The following GALNT11 variants were observed in gnomAD, a reference collection of about 807,000 sequenced individuals.
The protein encoded by GALNT11 is UDP-GalNAc:polypeptide N-acetylgalactosaminyltransferase 11.
A neutral mutation model predicts 72.7 loss-of-function variants in GALNT11; 47 were observed. The observed-to-expected ratio is 0.65, with a 90% CI of 0.51 to 0.82. The LOEUF (loss-of-function observed/expected upper bound fraction) is 0.82, where lower values mean the gene tolerates loss of function less well. GALNT11 is among the 40% of genes least tolerant of loss of function. The pLI is 0.00. For synonymous variants in GALNT11, 270 were observed against 286.6 expected, an observed-to-expected ratio of 0.94 and a Z score of 0.58; for missense variants, 677 against 778.4, an observed-to-expected ratio of 0.87 and a Z score of 1.55.
At chr7:152,040,108 T>A (rs910489197) in intron 1 of GALNT11, among the ~76,000 whole-genome samples, 2 of 151,990 alleles carry the variant, frequency 1.3e-5, no homozygotes, top group African/African-American at 4.8e-5. Context: ...GAGAAAAATG[T>A]AGCTAGAGCT....
chr7:152,103,139 C>A lies in GALNT11; in HGVS notation c.447C>A (p.Asp149Glu). The change falls in exon 4 of 12, where the codon GAC (aspartate) becomes GAA (glutamate). Residue 149 changes from aspartate (D) to glutamate (E), a missense_variant. Transcript: ENST00000430044. ...GTAAAGAAAAGTTCTACCCACCTGACCTGCCAGCTGCTAGTGTTGTTATCT... is the reference window on the plus strand; with the variant it reads ...GTAAAGAAAAGTTCTACCCACCTGAACTGCCAGCTGCTAGTGTTGTTATCT... ...AACKEKFYPP[D>E]LPAASVVICF... 1 of 1,609,860 alleles carries A rather than the reference C, an allele frequency of 6.2e-7. No individual in the cohort carries two copies. Among genetic ancestry groups the A allele is most frequent in the Non-Finnish European group, 8.5e-7 (1 of 1,177,384 alleles).
chr7:152,043,116 A>C lies in GALNT11; in HGVS notation c.-39+17232A>C, dbSNP rs184046976. ...TTTTCCCCATTTCCACATACGGCACAATTAGGAGCTGTGCTATATGGTCTC... is the reference window on the plus strand; with the variant it reads ...TTTTCCCCATTTCCACATACGGCACCATTAGGAGCTGTGCTATATGGTCTC... On this transcript the variant is annotated intron_variant, in intron 1 of 11. Coordinates refer to ENST00000430044, the MANE Select transcript of GALNT11 (RefSeq NM_022087.4). Among the ~76,000 whole-genome samples the C allele has an allele frequency of 2.5e-4, 38 of 152,314 alleles. No homozygotes were observed. The East Asian group carries it at 6.9e-3, about 28-fold the overall frequency.
chr7:152,114,412 C>A (rs2088615991), intron 8 of GALNT11, among the ~76,000 whole-genome samples: 1 of 152,184 alleles, frequency 6.6e-6, no homozygotes. Flanking sequence ...TTCTGTCTGG[C>A]TTCTTCAGTT....
intron 8 of GALNT11, among the ~76,000 whole-genome samples, chr7:152,113,920 T>A (rs1587469849): frequency 1.6e-5 from 1 of 63,654 alleles, no homozygotes; most frequent in African/African-American, 2.7e-4. Context: ...TTAAAAAGTG[T>A]TTTTTTTTTT....
chr7:152,100,821 C>A lies in GALNT11; in HGVS notation c.319C>A (p.Gln107Lys). Residue 107 changes from glutamine (Q) to lysine (K), a missense_variant, in exon 3 of 12, where the codon CAA becomes AAA. Gln to Lys is a moderately conservative substitution (Grantham distance 53). Transcript: ENST00000430044. ...ELGMIFNERD[Q>K]ELRDLGYQKH... is the part of the protein sequence containing the mutation. Reference sequence around the variant, plus strand: ...AGGTATGATTTTTAATGAACGCGATCAAGAGTTGAGAGACTTGGGCTATCA... The same window carrying A: ...AGGTATGATTTTTAATGAACGCGATAAAGAGTTGAGAGACTTGGGCTATCA... 1 of 1,613,836 alleles carries A rather than the reference C, an allele frequency of 6.2e-7. No individual in the cohort carries two copies. The highest frequency in any genetic ancestry group is 1.1e-5 in the South Asian group (1 of 91,050).
At chr7:152,076,088 A>G (rs1279097500) in intron 1 of GALNT11, among the ~76,000 whole-genome samples, 132 of 147,700 alleles carry the variant, frequency 8.9e-4, no homozygotes, top group Non-Finnish European at 1.5e-3. Context: ...AAAAAAAAAA[A>G]AAGAAGAAGA....
chr7:152,026,285 A>G (rs978046602), intron 1 of GALNT11, among the ~76,000 whole-genome samples: 3 of 152,216 alleles, frequency 2.0e-5, no homozygotes, highest in African/African-American at 4.8e-5. Context: ...ACTAGGGAGA[A>G]TAGTGTGGAA....
At chr7:152,050,646 C>T (rs533759188) in intron 1 of GALNT11, among the ~76,000 whole-genome samples, 11 of 152,244 alleles carry the variant, frequency 7.2e-5, no homozygotes, top group Middle Eastern at 3.4e-3. Context: ...TACTGGGCTG[C>T]GTGCCCTCCA....
intron 1 of GALNT11, among the ~76,000 whole-genome samples, chr7:152,080,756 G>A (rs1012372472): frequency 3.3e-5 from 5 of 151,890 alleles, no homozygotes; most frequent in Non-Finnish European, 7.4e-5. Flanking sequence ...GAGGTCAGGA[G>A]TTCAAGACCA....
intron 1 of GALNT11, among the ~76,000 whole-genome samples, chr7:152,050,468 T>A (rs1021356672): frequency 3.9e-5 from 6 of 152,204 alleles, no homozygotes; most frequent in Non-Finnish European, 8.8e-5. Context: ...GGTGCCCTGT[T>A]CTGTTGTGGC....
At chr7:152,028,782 G>C (rs1309524111) in intron 1 of GALNT11, among the ~76,000 whole-genome samples, 1 of 152,170 alleles carries the variant, frequency 6.6e-6, no homozygotes, top group African/African-American at 2.4e-5. Flanking sequence ...CCCTGCAATT[G>C]TAGTGTCCTC....
intron 1 of GALNT11, among the ~76,000 whole-genome samples, chr7:152,075,654 C>T (rs972402603): frequency 6.6e-6 from 1 of 151,944 alleles, no homozygotes; most frequent in Admixed American, 6.6e-5. Flanking sequence ...AAATACAAGC[C>T]GTGGGGTGGC....
intron 1 of GALNT11, chr7:152,074,542 T>C (rs2084838675): frequency 6.6e-6 from 1 of 152,256 alleles, no homozygotes; most frequent in Non-Finnish European, 1.5e-5. Context: ...ACTACAGCTT[T>C]GAGGTATATT....
chr7:152,116,155 G>T (rs571192043), intron 8 of GALNT11, among the ~76,000 whole-genome samples: 8 of 152,314 alleles, frequency 5.3e-5, no homozygotes, highest in African/African-American at 1.9e-4. Context: ...CAATCCAGTG[G>T]AGTAGTATTT....
In GALNT11 at chr7:152,102,913, G is replaced by A. The variant is rs140021884; in HGVS notation, c.420-199G>A. On this transcript the variant is annotated intron_variant, in intron 3 of 11. Transcript: ENST00000430044. ...GGAGAATCGCTTGAACCTGGGAGGC[G>A]GAGGTCACGATGAGCCGAGATAGCG... Among the ~76,000 whole-genome samples the A allele has an allele frequency of 7.7e-3, 1,163 of 151,536 alleles. 6 individuals carry two copies. Among genetic ancestry groups the A allele is most frequent in the Non-Finnish European group, 0.011 (762 of 67,850 alleles).
At chr7:152,099,756 CTT>C (rs959548417) in intron 2 of GALNT11, among the ~76,000 whole-genome samples, 6 of 88,716 alleles carry the variant, frequency 6.8e-5, no homozygotes, top group Non-Finnish European at 8.6e-5. Context: ...AACTGTGAAG[CTT>C]TTTTTTTTTT....
chr7:152,107,159 T>C (rs1276434906), intron 5 of GALNT11: 2 of 152,092 alleles, frequency 1.3e-5, no homozygotes, highest in East Asian at 1.9e-4. Flanking sequence ...GAGTGCACTT[T>C]TAGAAAAACA....
intron 1 of GALNT11, among the ~76,000 whole-genome samples, chr7:152,045,750 TTTGTA>T (rs1448061439): frequency 1.3e-5 from 2 of 152,074 alleles, no homozygotes; most frequent in Admixed American, 6.5e-5. Context: ...TTGTTGATCT[TTTGTA>T]TTGTTTTCTT....
At chr7:152,105,195 CTT>C (rs2087400822) in intron 4 of GALNT11, 48 bp from the exon 5 acceptor site, 2 of 1,567,828 alleles carry the variant, frequency 1.3e-6, no homozygotes, top group African/African-American at 1.4e-5. Flanking sequence ...TGTAAAGTGT[CTT>C]TATATATGTC....
Sources: gnomAD v4.1 joint callset for allele counts (sites outside exome capture counted in the v4.1 genomes callset) on GRCh38, gnomAD v4.1.1 for gene constraint, MANE v1.5 for transcripts, NCBI Gene and HGNC (gene_info 2026-07-23, HGNC 2026-07-21) for gene names.